Variants in VPS33A observed in about 807,000 individuals in gnomAD.
The protein encoded by VPS33A is vacuolar protein sorting-associated protein 33A.
A neutral mutation model predicts 71.8 loss-of-function variants in VPS33A; 32 were observed. That is an observed-to-expected ratio of 0.45 (90% confidence interval 0.34 to 0.60). The LOEUF is 0.60. VPS33A is among the 20% of genes least tolerant of loss of function. The probability of loss-of-function intolerance (pLI) is 0.02; values close to 1 mark genes in which losing one functional copy is unlikely to be tolerated. For missense variants in VPS33A, 625 were observed against 748.5 expected (o/e 0.84, Z 1.92); for synonymous variants, 311 against 292.7 (o/e 1.06, Z -0.64).
chr12:122,234,886 T>C (rs1413382040), intron 11 of VPS33A, among the ~76,000 whole-genome samples: 1 of 152,128 alleles, frequency 6.6e-6, no homozygotes, highest in Non-Finnish European at 1.5e-5. Context: ...AGCTCTTCTC[T>C]CCAGGTTCTA....
intron 3 of VPS33A, among the ~76,000 whole-genome samples, 165 bp from the exon 4 acceptor site, chr12:122,261,612 T>TTTGGGCTCA (rs1954996432): frequency 1.3e-5 from 2 of 152,160 alleles, no homozygotes; most frequent in Non-Finnish European, 2.9e-5. Flanking sequence ...CTCACACCTG[T>TTTGGGCTCA]AATCTCAGCA....
At chr12:122,235,195 A>G (rs1344374942) in intron 11 of VPS33A, among the ~76,000 whole-genome samples, 1 of 151,546 alleles carries the variant, frequency 6.6e-6, no homozygotes, top group African/African-American at 2.4e-5. Flanking sequence ...CCTGGACTCA[A>G]GCGATCTGAC....
rs1954547494 is a variant in VPS33A at position 122,230,569 on chromosome 12, G to C, written c.*1677C>G. ...GCACTCCAGTCTGAAAAGAGCGTGA[G>C]ACTCTGTCTCAAACAAACAAAAACA... On this transcript the variant is annotated 3_prime_UTR_variant, in exon 13 of 13. Transcript: ENST00000267199. The C allele has an allele frequency of 6.6e-6, 1 of 152,190 alleles. No homozygotes were observed. The highest frequency in any genetic ancestry group is 2.1e-4 in the South Asian group (1 of 4,836). 9.4% of individuals were successfully genotyped at this position (152,190 alleles called of 1,614,324 possible).
chr12:122,240,503 C>T (rs1020468417), intron 8 of VPS33A, among the ~76,000 whole-genome samples: 1 of 152,068 alleles, frequency 6.6e-6, no homozygotes, highest in Non-Finnish European at 1.5e-5. Flanking sequence ...AGTACAGACC[C>T]CAGAATGAGC....
chr12:122,257,855 G>A (rs935658025), intron 4 of VPS33A, among the ~76,000 whole-genome samples: 1 of 151,964 alleles, frequency 6.6e-6, no homozygotes. Context: ...GCATAAGGAC[G>A]GACATACAGA....
chr12:122,236,706 C>T (rs1480865151), intron 10 of VPS33A, among the ~76,000 whole-genome samples: 1 of 152,200 alleles, frequency 6.6e-6, no homozygotes, highest in African/African-American at 2.4e-5. Context: ...CTGTTCTGGT[C>T]TAAGCACTTA....
rs1042762561 is a variant in VPS33A at position 122,240,073 on chromosome 12, A to T, written c.1097-128T>A. ...CTGGGCACGGTGGCTCACACCTGTA[A>T]TCTCAGCACTGTAGGGGGCCGAGGT... On this transcript the variant is annotated intron_variant, in intron 8 of 12. Transcript: ENST00000267199. The T allele has an allele frequency of 8.6e-6, 6 of 694,332 alleles. No homozygotes were observed. In the Admixed American group the frequency reaches 1.4e-4, roughly 16 times the overall value. The allele number at this position is 694,332 out of a possible 1,614,324, so 43.0% of individuals were successfully genotyped here. A position where few individuals can be genotyped will look rare whatever the true frequency, so the allele number is the denominator to read the frequency against.
intron 4 of VPS33A, 29 bp from the exon 5 acceptor site, chr12:122,251,128 G>A: frequency 2.0e-6 from 3 of 1,510,762 alleles, no homozygotes; most frequent in Non-Finnish European, 2.8e-6. Context: ...ATTATTGCCA[G>A]GCCATGGGGG....
At chr12:122,261,858 C>A (rs1421297254) in intron 3 of VPS33A, among the ~76,000 whole-genome samples, 3 of 152,052 alleles carry the variant, frequency 2.0e-5, no homozygotes, top group African/African-American at 7.3e-5. Flanking sequence ...AAAAATTAGC[C>A]GGGCATGGTG....
At chr12:122,260,170 G>A (rs940781722) in intron 4 of VPS33A, among the ~76,000 whole-genome samples, 1 of 152,114 alleles carries the variant, frequency 6.6e-6, no homozygotes, top group African/African-American at 2.4e-5. Flanking sequence ...GATTCTTTTC[G>A]GAATAGTTAA....
At chr12:122,256,071 C>A (rs1253203247) in intron 4 of VPS33A, among the ~76,000 whole-genome samples, 1 of 152,074 alleles carries the variant, frequency 6.6e-6, no homozygotes. Context: ...GCTGGGATTA[C>A]GGGCATGAAC....
At chr12:122,234,316 C>T (rs980048389) in intron 11 of VPS33A, among the ~76,000 whole-genome samples, 1 of 151,812 alleles carries the variant, frequency 6.6e-6, no homozygotes, top group African/African-American at 2.4e-5. Flanking sequence ...CTCATTCTGT[C>T]GCCCATGCTG....
chr12:122,237,927 G>T (rs1954652104), intron 10 of VPS33A, among the ~76,000 whole-genome samples: 1 of 151,882 alleles, frequency 6.6e-6, no homozygotes, highest in African/African-American at 2.4e-5. Flanking sequence ...TGGGACTGCA[G>T]ACACAGCCAC....
At chr12:122,233,542 G>T (rs1382000565) in intron 11 of VPS33A, among the ~76,000 whole-genome samples, 1 of 152,102 alleles carries the variant, frequency 6.6e-6, no homozygotes, top group Non-Finnish European at 1.5e-5. Context: ...AAACATATTG[G>T]GGGGAACTTG....
At chr12:122,255,613 G>C (rs1323039609) in intron 4 of VPS33A, among the ~76,000 whole-genome samples, 2 of 146,642 alleles carry the variant, frequency 1.4e-5, no homozygotes, top group Non-Finnish European at 3.0e-5. Flanking sequence ...GCTGAGGCAG[G>C]AGAATCGCTT....
chr12:122,242,633 A>C (rs1592915822), intron 7 of VPS33A, 125 bp from the exon 8 acceptor site: 1 of 1,195,510 alleles, frequency 8.4e-7, no homozygotes, highest in Non-Finnish European at 1.1e-6. Flanking sequence ...GCTCACTGCA[A>C]CCTCCGCCTC....
chr12:122,259,595 G>C (rs1954966042), intron 4 of VPS33A, among the ~76,000 whole-genome samples: 1 of 152,046 alleles, frequency 6.6e-6, no homozygotes, highest in Non-Finnish European at 1.5e-5. Context: ...ACAGTATCGT[G>C]ACAGCCAAAA....
intron 5 of VPS33A, among the ~76,000 whole-genome samples, chr12:122,250,560 C>G (rs1316516916): frequency 6.6e-6 from 1 of 152,204 alleles, no homozygotes; most frequent in Non-Finnish European, 1.5e-5. Context: ...CTCCGCCAGG[C>G]ACACCACAGC....
Position 122,266,483 on chromosome 12 carries a change from A to G in VPS33A, c.-75T>C. 6 of 1,549,310 alleles carry G rather than the reference A, an allele frequency of 3.9e-6. No homozygotes were observed. The highest frequency in any genetic ancestry group is 1.2e-5 in the South Asian group (1 of 86,040). ...CTACGGGAGGACCACGGACGCAGTC[A>G]CGTGACCAAACGTCCACGTGACCGG... is the stretch of plus-strand genomic sequence containing the variant. On this transcript the variant is annotated 5_prime_UTR_variant, in exon 1 of 13. Transcript: ENST00000267199.
Sources: gnomAD v4.1 joint callset for allele counts (sites outside exome capture counted in the v4.1 genomes callset) on GRCh38, gnomAD v4.1.1 for gene constraint, MANE v1.5 for transcripts, NCBI Gene and HGNC (gene_info 2026-07-23, HGNC 2026-07-21) for gene names.